The following TUSC3 variants were observed in gnomAD, a reference collection of about 807,000 sequenced individuals.
TUSC3 encodes dolichyl-diphosphooligosaccharide--protein glycosyltransferase subunit TUSC3.
In TUSC3, 45 loss-of-function variants were observed where a neutral mutation model predicts 44.8. The observed-to-expected ratio is 1.00, with a 90% CI of 0.79 to 1.29. TUSC3 has a LOEUF of 1.29. Among genes scored for constraint, TUSC3 ranks in the 50% most tolerant of loss-of-function variants. TUSC3 has a pLI of 0.00. For missense variants in TUSC3, 519 were observed against 437.9 expected, an observed-to-expected ratio of 1.19 and a Z score of -1.65; for synonymous variants, 212 against 152.9, an observed-to-expected ratio of 1.39 and a Z score of -2.85.
At chr8:15,594,654 A>G (rs530409038) in intron 1 of TUSC3, among the ~76,000 whole-genome samples, 79 of 152,188 alleles carry the variant, frequency 5.2e-4, no homozygotes, top group Non-Finnish European at 9.0e-4. Flanking sequence ...TACTCTACAT[A>G]ATGTCTTATG....
chr8:15,627,463 G>C (rs1805567572), intron 2 of TUSC3, among the ~76,000 whole-genome samples: 1 of 152,224 alleles, frequency 6.6e-6, no homozygotes, highest in Admixed American at 6.5e-5. Flanking sequence ...CAAGAACTTG[G>C]GACCTGCCAA....
At chr8:15,781,326 C>G in the TUSC3 span, among the ~76,000 whole-genome samples, 1 of 152,270 alleles carries the variant, frequency 6.6e-6, no homozygotes, top group East Asian at 1.9e-4. Context: ...CTTACCTTAC[C>G]TGTCTCATTG....
upstream of TUSC3, among the ~76,000 whole-genome samples, chr8:15,536,456 T>G (rs1801522390): frequency 6.6e-6 from 1 of 151,446 alleles, no homozygotes; most frequent in Non-Finnish European, 1.5e-5. Context: ...CCGAGGTGGG[T>G]GGATCACCTG....
intron 1 of TUSC3, among the ~76,000 whole-genome samples, chr8:15,593,206 C>T (rs1803927806): frequency 6.6e-6 from 1 of 152,112 alleles, no homozygotes; most frequent in South Asian, 2.1e-4. Flanking sequence ...CTGCCTCAGC[C>T]TCCTGAGTAG....
intron 1 of TUSC3, among the ~76,000 whole-genome samples, chr8:15,587,196 C>G (rs967321270): frequency 5.3e-5 from 8 of 152,222 alleles, no homozygotes; most frequent in Non-Finnish European, 7.4e-5. Context: ...CTAAATATGG[C>G]ACAGAACTGA....
chr8:15,568,494 T>G (rs1242998624), intron 1 of TUSC3, among the ~76,000 whole-genome samples: 1 of 152,174 alleles, frequency 6.6e-6, no homozygotes, highest in East Asian at 1.9e-4. Flanking sequence ...CTAGATTGAA[T>G]TAGGCTTATG....
chr8:15,455,556 G>A (rs1800244619), intron 1 of TUSC3, among the ~76,000 whole-genome samples: 2 of 152,032 alleles, frequency 1.3e-5, no homozygotes, highest in Admixed American at 6.6e-5. Context: ...ATGCATTTGT[G>A]TATATGTATA....
chr8:15,836,754 T>C, the TUSC3 span, among the ~76,000 whole-genome samples: 86 of 152,286 alleles, frequency 5.6e-4, no homozygotes, highest in Non-Finnish European at 1.0e-3. Context: ...TTGTCACATA[T>C]ACTTTCACCT....
At chr8:15,572,199 C>CATCAATTA (rs1802904873) in intron 1 of TUSC3, among the ~76,000 whole-genome samples, 1 of 152,154 alleles carries the variant, frequency 6.6e-6, no homozygotes, top group Non-Finnish European at 1.5e-5. Flanking sequence ...TACCCGTCTC[C>CATCAATTA]ATCAATTATG....
At chr8:15,603,299 A>G (rs1804370463) in intron 1 of TUSC3, among the ~76,000 whole-genome samples, 1 of 151,738 alleles carries the variant, frequency 6.6e-6, no homozygotes, top group South Asian at 2.1e-4. Context: ...TGAAAATTAG[A>G]GGAATATTGA....
At chr8:15,689,086 C>T (rs1295335051) in intron 6 of TUSC3, 1 of 377,850 alleles carries the variant, frequency 2.6e-6, no homozygotes, top group Non-Finnish European at 5.2e-6. Context: ...CTGTAGTTTG[C>T]CTTTCTTTTC....
chr8:15,628,748 A>G (rs911879389), intron 2 of TUSC3, among the ~76,000 whole-genome samples: 4 of 152,218 alleles, frequency 2.6e-5, no homozygotes, highest in Non-Finnish European at 5.9e-5. Context: ...TAGAATACCT[A>G]CCTTCTTAGT....
At chr8:15,674,643 T>C (rs1193430531) in intron 6 of TUSC3, among the ~76,000 whole-genome samples, 1 of 151,886 alleles carries the variant, frequency 6.6e-6, no homozygotes, top group Non-Finnish European at 1.5e-5. Flanking sequence ...TTATTATTAC[T>C]ATATAATAAT....
At chr8:15,673,932 G>T (rs548624327) in intron 6 of TUSC3, 96 bp downstream of exon 6, 1 of 1,062,486 alleles carries the variant, frequency 9.4e-7, no homozygotes, top group African/African-American at 1.6e-5. Flanking sequence ...AAAAGATTCT[G>T]TTTGTCAGTC....
At chr8:15,787,167 T>G in the TUSC3 span, among the ~76,000 whole-genome samples, 1 of 152,098 alleles carries the variant, frequency 6.6e-6, no homozygotes, top group Non-Finnish European at 1.5e-5. Flanking sequence ...AGAAAAATAT[T>G]ATTTCGTTGT....
intron 1 of TUSC3, among the ~76,000 whole-genome samples, chr8:15,439,717 T>C (rs910688844): frequency 6.6e-6 from 1 of 152,232 alleles, no homozygotes; most frequent in African/African-American, 2.4e-5. Context: ...TTTTTTATTT[T>C]TTAGACATAC....
chr8:15,520,747 C>A (rs1339714879), intron 2 of TUSC3, among the ~76,000 whole-genome samples: 1 of 152,194 alleles, frequency 6.6e-6, no homozygotes, highest in East Asian at 1.9e-4. Context: ...CCTTTACCCA[C>A]AAGAAATTTC....
At chr8:15,787,417 C>A in the TUSC3 span, among the ~76,000 whole-genome samples, 9 of 152,006 alleles carry the variant, frequency 5.9e-5, no homozygotes, top group Non-Finnish European at 1.2e-4. Flanking sequence ...CATGAAATCC[C>A]GTCAACAGAT....
chr8:15,671,000 T>C (rs1346600556), intron 5 of TUSC3, among the ~76,000 whole-genome samples: 1 of 151,922 alleles, frequency 6.6e-6, no homozygotes, highest in Admixed American at 6.6e-5. Context: ...TGCCAGAAGA[T>C]CCAGAATGAA....
Sources: allele counts gnomAD v4.1 joint callset (sites outside exome capture counted in the v4.1 genomes callset), GRCh38; gene constraint gnomAD v4.1.1; transcripts MANE v1.5; gene names NCBI Gene and HGNC (gene_info 2026-07-23, HGNC 2026-07-21).